GSDMC: variants seen among roughly 807,000 people sequenced by gnomAD.
GSDMC encodes gasdermin C, also known as gasdermin-C.
A neutral mutation model predicts 58.0 loss-of-function variants in GSDMC; 59 were observed. The ratio of observed to expected loss-of-function variants is 1.02; its 90% CI spans 0.82 to 1.26. The LOEUF is 1.26. Among genes scored for constraint, GSDMC ranks in the 50% most tolerant of loss-of-function variants. The pLI is 0.00. For synonymous variants in GSDMC, 241 were observed against 220.2 expected, an observed-to-expected ratio of 1.09 and a Z score of -0.83; for missense variants, 659 against 598.5, an observed-to-expected ratio of 1.10 and a Z score of -1.06.
intron 2 of GSDMC, 68 bp downstream of exon 2, chr8:129,777,300 G>A: frequency 2.1e-6 from 2 of 939,088 alleles, no homozygotes; most frequent in Non-Finnish European, 1.7e-6. Flanking sequence ...TCTTTGGATG[G>A]TGGGCCATCT....
At chr8:129,760,026 C>G (rs1263641940) in intron 6 of GSDMC, among the ~76,000 whole-genome samples, 1 of 151,902 alleles carries the variant, frequency 6.6e-6, no homozygotes, top group African/African-American at 2.4e-5. Context: ...TACTATTCAC[C>G]CGTTAAAAAA....
At chr8:129,752,078 T>C (rs1442997845) in intron 8 of GSDMC, 28 bp downstream of exon 8, 1 of 1,603,420 alleles carries the variant, frequency 6.2e-7, no homozygotes, top group Non-Finnish European at 8.5e-7. Context: ...CAGATTGTCC[T>C]GGAAGGGGAG....
intron 3 of GSDMC, among the ~76,000 whole-genome samples, chr8:129,775,217 G>A (rs746685500): frequency 3.9e-5 from 6 of 152,096 alleles, no homozygotes; most frequent in South Asian, 4.1e-4. Context: ...TGTATACGAC[G>A]GAATATTATT....
chr8:129,716,392 G>A, the GSDMC span, among the ~76,000 whole-genome samples: 1 of 152,214 alleles, frequency 6.6e-6, no homozygotes, highest in African/African-American at 2.4e-5. Flanking sequence ...GTGAATGGGA[G>A]TTCACTCATG....
At chr8:129,727,548 G>T in the GSDMC span, among the ~76,000 whole-genome samples, 2 of 152,200 alleles carry the variant, frequency 1.3e-5, no homozygotes, top group Non-Finnish European at 2.9e-5. Flanking sequence ...AGAGCACTTT[G>T]TTTCTCTCAA....
chr8:129,710,119 G>A, the GSDMC span, among the ~76,000 whole-genome samples: 1 of 152,182 alleles, frequency 6.6e-6, no homozygotes, highest in Non-Finnish European at 1.5e-5. Flanking sequence ...CTTCATGCAC[G>A]TATTTTTTTT....
chr8:129,777,293 T>C, intron 2 of GSDMC, 75 bp downstream of exon 2: 1 of 891,762 alleles, frequency 1.1e-6, no homozygotes, highest in Non-Finnish European at 1.8e-6. Flanking sequence ...TCAGTTATCT[T>C]TGGATGGTGG....
At chr8:129,753,487 C>G (rs1238275754) in intron 6 of GSDMC, among the ~76,000 whole-genome samples, 1 of 152,204 alleles carries the variant, frequency 6.6e-6, no homozygotes, top group Non-Finnish European at 1.5e-5. Flanking sequence ...CCTAAATAAC[C>G]AGCAGCAGTA....
At position 129,748,453 on chromosome 8, in the gene GSDMC, A is replaced by G. The variant is rs898565948; in HGVS notation, c.*48T>C. ...ACCCATAAGGACACTCACAGCATAG[A>G]CTGGGCGAGGGCCAGCATCTCTGGA... On this transcript the variant is annotated 3_prime_UTR_variant, in exon 14 of 14. Coordinates refer to ENST00000276708, the MANE Select transcript of GSDMC (RefSeq NM_031415.3). 1.3e-6 allele frequency: 2 copies of G among 1,550,044 alleles called. No homozygotes were observed. The highest frequency in any genetic ancestry group is 2.0e-5 in the Admixed American group (1 of 51,026).
At chr8:129,766,752 C>T (rs2033874089) in intron 3 of GSDMC, among the ~76,000 whole-genome samples, 1 of 152,062 alleles carries the variant, frequency 6.6e-6, no homozygotes, top group African/African-American at 2.4e-5. Flanking sequence ...GGCGCCACCG[C>T]AACATGAATG....
the GSDMC span, among the ~76,000 whole-genome samples, chr8:129,726,469 A>G: frequency 2.0e-5 from 3 of 152,190 alleles, no homozygotes; most frequent in Non-Finnish European, 4.4e-5. Context: ...GGCAGCACCA[A>G]GCATCCTGCT....
downstream of GSDMC, among the ~76,000 whole-genome samples, chr8:129,744,729 T>C (rs79549681): frequency 0.074 from 11,211 of 152,180 alleles, 704 homozygotes; most frequent in East Asian, 0.25. Context: ...ACACTAACCG[T>C]CTTTAAGAAT....
chr8:129,765,632 C>A lies in GSDMC; in HGVS notation c.566G>T (p.Gly189Val). ...CACTTCAGGACAACTTTATACCTTG[C>A]CATAGGTAATCCAAAGAGCAATTTT... is the stretch of plus-strand genomic sequence containing the variant. ...LGKIALWITY[G>V]KGQGQGESLR... The change falls in exon 4 of 14, where the codon GGC becomes GTC. Residue 189 changes from glycine to valine, a missense_variant. Transcript: ENST00000276708. 4 of 1,611,760 alleles carry A rather than the reference C, an allele frequency of 2.5e-6. No individual in the cohort carries two copies. Among genetic ancestry groups the A allele is most frequent in the Non-Finnish European group, 3.4e-6 (4 of 1,177,948 alleles).
the GSDMC span, among the ~76,000 whole-genome samples, chr8:129,717,215 G>C: frequency 6.7e-6 from 1 of 148,880 alleles, no homozygotes; most frequent in South Asian, 2.1e-4. Flanking sequence ...TTTTACCTCT[G>C]GTAGAATTTG....
the GSDMC span, among the ~76,000 whole-genome samples, chr8:129,710,895 C>T: frequency 1.3e-5 from 2 of 152,252 alleles, no homozygotes; most frequent in Admixed American, 1.3e-4. Context: ...AAGTTTGAGG[C>T]CCCCTAGAGA....
chr8:129,754,039 A>G (rs2033331723), intron 6 of GSDMC, among the ~76,000 whole-genome samples: 2 of 152,250 alleles, frequency 1.3e-5, no homozygotes, highest in African/African-American at 4.8e-5. Context: ...GCTCCCAAAC[A>G]GCATCTCTGT....
intron 3 of GSDMC, among the ~76,000 whole-genome samples, chr8:129,775,687 C>A (rs2034201609): frequency 6.6e-6 from 1 of 152,092 alleles, no homozygotes; most frequent in African/African-American, 2.4e-5. Context: ...AATCCCAAGA[C>A]AGCAATGTAC....
At chr8:129,711,985 G>A in the GSDMC span, among the ~76,000 whole-genome samples, 1 of 152,152 alleles carries the variant, frequency 6.6e-6, no homozygotes, top group Non-Finnish European at 1.5e-5. Flanking sequence ...GGCCTGGCAT[G>A]ATGGCACACA....
At chr8:129,746,413 G>A (rs751449645), downstream of GSDMC, among the ~76,000 whole-genome samples, 2 of 151,608 alleles carry the variant, frequency 1.3e-5, no homozygotes, top group Non-Finnish European at 2.9e-5. Flanking sequence ...GAATGCAGAC[G>A]AAAAAAAATC....
Sources: gnomAD v4.1 joint callset for allele counts (sites outside exome capture counted in the v4.1 genomes callset) on GRCh38, gnomAD v4.1.1 for gene constraint, MANE v1.5 for transcripts, NCBI Gene and HGNC (gene_info 2026-07-23, HGNC 2026-07-21) for gene names.